TREH: variants seen among roughly 807,000 people sequenced by gnomAD.
The protein encoded by TREH is alpha,alpha-trehalose glucohydrolase.
In TREH, 69 loss-of-function variants were observed where a neutral mutation model predicts 80.5. That is an observed-to-expected ratio of 0.86 (90% confidence interval 0.71 to 1.05). TREH has a LOEUF of 1.05. Ranked by LOEUF, TREH falls within the 50% of genes least tolerant of loss-of-function variation. TREH has a pLI of 0.00. For missense variants in TREH, 716 were observed against 718.8 expected (o/e 1.00, Z 0.04); for synonymous variants, 309 against 293.5 (o/e 1.05, Z -0.54).
intron 1 of TREH, among the ~76,000 whole-genome samples, chr11:118,676,815 A>C (rs570363784): frequency 6.6e-6 from 1 of 150,998 alleles, no homozygotes; most frequent in Admixed American, 6.6e-5. Flanking sequence ...AACACTAATC[A>C]GGGACCACTA....
intron 1 of TREH, among the ~76,000 whole-genome samples, chr11:118,679,318 C>A (rs1255977290): frequency 3.9e-5 from 6 of 151,994 alleles, no homozygotes; most frequent in African/African-American, 7.3e-5. Flanking sequence ...TCTGGACGAC[C>A]GAGCAAGACT....
At chr11:118,671,810 A>G (rs1272322070) in intron 1 of TREH, among the ~76,000 whole-genome samples, 4 of 152,158 alleles carry the variant, frequency 2.6e-5, no homozygotes, top group Non-Finnish European at 5.9e-5. Flanking sequence ...AATGAAACAA[A>G]TAATATACAA....
Position 118,662,874 on chromosome 11 carries a change from C to T in TREH, c.423+7G>A. On this transcript the variant is annotated splice_region_variant and intron_variant, in intron 4 of 14. Coordinates refer to ENST00000264029, the MANE Select transcript of TREH (RefSeq NM_007180.3). ...TCAGGCCTTGGGCAGGCCCAGGACG[C>T]TGATACCTTCTTCCCCAGCTTCTTC... The T allele has an allele frequency of 6.4e-7, 1 of 1,573,572 alleles. No homozygotes were observed. The highest frequency in any genetic ancestry group is 8.6e-7 in the Non-Finnish European group (1 of 1,159,230).
In TREH at chr11:118,661,964, A is replaced by G. The variant is rs1555145103; in HGVS notation, c.450T>C (p.Pro150=). The change falls in exon 5 of 15, where the codon CCT becomes CCC. Residue 150 remains proline (P), a synonymous_variant. Coordinates refer to ENST00000264029, the MANE Select transcript of TREH (RefSeq NM_007180.3). The surrounding 1 kb of genome is among the most constrained non-coding windows in gnomAD (Gnocchi z 4.2). The part of the protein sequence containing the change: ...KKMKPEVLSH[P]ERFSLIYSEH... ...CTGAGTAGATGAGAGAGAACCGCTC[A>G]GGGTGGCTGAGAACCTCTGGCTTCA... 1.3e-6 allele frequency: 2 copies of G among 1,554,148 alleles called. No homozygotes were observed. The highest frequency in any genetic ancestry group is 3.9e-5 in the Admixed American group (2 of 51,156).
In TREH at chr11:118,659,035, C is replaced by T. The variant is rs782027209; in HGVS notation, c.1433-18G>A. On this transcript the variant is annotated intron_variant, in intron 12 of 14. Transcript: ENST00000264029. ...GGCCAGGCCTAGACCCCATTGCAGG[C>T]AGGACTCAACCTCCAGGTCTCCCAT... The T allele has an allele frequency of 6.2e-7, 1 of 1,610,882 alleles. No individual in the cohort carries two copies.
In TREH at chr11:118,658,157, G is replaced by T; in HGVS notation, c.*132C>A. 1 of 1,298,070 alleles carries T rather than the reference G, an allele frequency of 7.7e-7. No individual in the cohort carries two copies. Among genetic ancestry groups the T allele is most frequent in the Non-Finnish European group, 1.1e-6 (1 of 951,984 alleles). The allele number at this position is 1,298,070 out of a possible 1,614,324, so 80.4% of individuals were successfully genotyped here. A position where few individuals can be genotyped will look rare whatever the true frequency, so the allele number is the denominator to read the frequency against. ...GGCCCCTACCCATGACCTCCAGGTC[G>T]TGACCCTGCCCTCCACTTCGCTCTG... is the stretch of plus-strand genomic sequence containing the variant. On this transcript the variant is annotated 3_prime_UTR_variant, in exon 15 of 15. Transcript: ENST00000264029.
intron 1 of TREH, among the ~76,000 whole-genome samples, chr11:118,678,823 A>T (rs1208005003): frequency 6.6e-6 from 1 of 152,112 alleles, no homozygotes; most frequent in Non-Finnish European, 1.5e-5. Flanking sequence ...ACTCAGGCTC[A>T]GGAAAGAGCC....
chr11:118,660,507 C>A (rs1555144651), intron 10 of TREH, 32 bp downstream of exon 10: 10 of 1,549,548 alleles, frequency 6.5e-6, no homozygotes, highest in Non-Finnish European at 8.8e-6. Flanking sequence ...AAACCAAGCT[C>A]CCTGCTTTCC....
chr11:118,657,486 G>A lies in TREH; in HGVS notation c.*803C>T, dbSNP rs1310794092. 6.5e-6 allele frequency: 1 copy of A among 152,842 alleles called. No homozygotes were observed. The highest frequency in any genetic ancestry group is 2.4e-5 in the African/African-American group (1 of 41,436). 9.5% of individuals were successfully genotyped at this position (152,842 alleles called of 1,614,324 possible). On this transcript the variant is annotated 3_prime_UTR_variant, in exon 15 of 15. Coordinates refer to ENST00000264029, the MANE Select transcript of TREH (RefSeq NM_007180.3). Reference sequence around the variant, plus strand: ...ACGTGCCATCATCTCTCCAGCCCAGGCCCCTGGGCATCTCATGCTGGGGGG... The same window carrying A: ...ACGTGCCATCATCTCTCCAGCCCAGACCCCTGGGCATCTCATGCTGGGGGG...
chr11:118,659,303 A>C, intron 12 of TREH, 67 bp downstream of exon 12: 1 of 1,316,990 alleles, frequency 7.6e-7, no homozygotes, highest in Non-Finnish European at 1.0e-6. Flanking sequence ...ATGCCTCCCC[A>C]GCACCAGGGA....
rs201126233 is a variant in TREH at position 118,663,125 on chromosome 11, C to T, written c.262G>A (p.Ala88Thr). 2.9e-4 allele frequency: 462 copies of T among 1,613,982 alleles called. 5 individuals carry two copies. The highest frequency in any genetic ancestry group is 2.1e-3 in the South Asian group (190 of 91,072). The change falls in exon 3 of 15, where the codon GCG (alanine) becomes ACG (threonine). Residue 88 changes from alanine to threonine, a missense_variant. Physicochemically the swap from Ala to Thr is moderately conservative, Grantham distance 58. Transcript: ENST00000264029. ...GCCTGGAAGTGTTCGTGGACAAACGCCTGCAGCTGCTCCCTGGGGATGCTG... is the reference window on the plus strand; with the variant it reads ...GCCTGGAAGTGTTCGTGGACAAACGTCTGCAGCTGCTCCCTGGGGATGCTG... The part of the protein sequence containing the change: ...NHSIPREQLQ[A>T]FVHEHFQAKG...
At chr11:118,665,349 A>T (rs1260929327) in intron 1 of TREH, among the ~76,000 whole-genome samples, 2 of 151,560 alleles carry the variant, frequency 1.3e-5, no homozygotes, top group Non-Finnish European at 2.9e-5. Flanking sequence ...CAAAGAAAAA[A>T]CTGCAACTGG....
At chr11:118,666,473 C>T (rs1301294601) in intron 1 of TREH, among the ~76,000 whole-genome samples, 6 of 152,244 alleles carry the variant, frequency 3.9e-5, no homozygotes, top group Non-Finnish European at 5.9e-5. Flanking sequence ...CAAATGGCAG[C>T]CTGCAAACCT....
At position 118,660,700 on chromosome 11, in the gene TREH, G is replaced by A; in HGVS notation, c.941C>T (p.Ala314Val). The change falls in exon 10 of 15, where the codon GCT (alanine) becomes GTT (valine). Residue 314 changes from alanine (A) to valine (V), a missense_variant. By Grantham distance (64) the Ala-to-Val change is moderately conservative (BLOSUM62 0). Coordinates refer to ENST00000264029, the MANE Select transcript of TREH (RefSeq NM_007180.3). Reference sequence around the variant, plus strand: ...GAAGTCCCAGCCAGACTCAGCCCCAGCCTTGAGCTCAGCCCACAGAGCCTC... The same window carrying A: ...GAAGTCCCAGCCAGACTCAGCCCCAACCTTGAGCTCAGCCCACAGAGCCTC... ...DREALWAELK[A>V]GAESGWDFSS... is the part of the protein sequence containing the mutation. The A allele has an allele frequency of 6.3e-7, 1 of 1,598,022 alleles. No homozygotes were observed. Among genetic ancestry groups the A allele is most frequent in the Non-Finnish European group, 8.5e-7 (1 of 1,172,336 alleles).
chr11:118,672,305 G>A lies in TREH; in HGVS notation c.89+7234C>T, dbSNP rs549858790. The stretch of plus-strand genomic sequence containing the variant: ...CCCAGGTACTGAGGAGGCTGAGGTG[G>A]GGGAATCGCTTGAACCGGGGAGGTG... On this transcript the variant is annotated intron_variant, in intron 1 of 14. Transcript: ENST00000264029. Among the ~76,000 whole-genome samples, 42 of 152,218 alleles carry A rather than the reference G, an allele frequency of 2.8e-4. No homozygotes were observed. In the South Asian group the frequency reaches 8.3e-3, roughly 30 times the overall value.
intron 1 of TREH, among the ~76,000 whole-genome samples, chr11:118,673,398 G>A (rs1453893432): frequency 6.6e-6 from 1 of 152,200 alleles, no homozygotes; most frequent in Non-Finnish European, 1.5e-5. Flanking sequence ...TATGTGCAGG[G>A]CCTTCCCTCC....
intron 1 of TREH, among the ~76,000 whole-genome samples, chr11:118,668,463 T>C (rs1408052851): frequency 9.6e-5 from 8 of 83,256 alleles, no homozygotes; most frequent in Non-Finnish European, 1.6e-4. Context: ...CTTGGGAGGC[T>C]GAGGTGGCAG....
intron 1 of TREH, among the ~76,000 whole-genome samples, chr11:118,667,301 C>T (rs1230438662): frequency 6.6e-6 from 1 of 152,140 alleles, no homozygotes; most frequent in Non-Finnish European, 1.5e-5. Flanking sequence ...ACCTCAGCCT[C>T]CTGAGTAGCT....
chr11:118,668,010 G>C (rs781874154), intron 1 of TREH, among the ~76,000 whole-genome samples: 3 of 152,012 alleles, frequency 2.0e-5, no homozygotes, highest in African/African-American at 7.3e-5. Flanking sequence ...GATTACAGGC[G>C]TGTACCACCA....
Sources: gnomAD v4.1 joint callset for allele counts (sites outside exome capture counted in the v4.1 genomes callset) on GRCh38, gnomAD v4.1.1 for gene constraint, Gnocchi (gnomAD v3.1) non-coding constraint, MANE v1.5 for transcripts, NCBI Gene and HGNC (gene_info 2026-07-23, HGNC 2026-07-21) for gene names.